Variants in CNBP observed in about 807,000 individuals in gnomAD.
CNBP encodes CCHC-type zinc finger nucleic acid binding protein, also known as cellular nucleic acid-binding protein.
Under a neutral mutation model 21.2 loss-of-function variants are expected in CNBP, and 6 were observed. That is an observed-to-expected ratio of 0.28 (90% CI 0.16 to 0.56). CNBP has a LOEUF of 0.56. CNBP is among the 20% of genes least tolerant of loss of function. CNBP has a pLI of 0.93. For synonymous variants in CNBP, 61 were observed against 74.9 expected, an observed-to-expected ratio of 0.81 and a Z score of 0.96; for missense variants, 112 against 233.1, an observed-to-expected ratio of 0.48 and a Z score of 3.38.
At chr3:129,181,820 A>G (rs1469966844) in intron 1 of CNBP, among the ~76,000 whole-genome samples, 1 of 152,102 alleles carries the variant, frequency 6.6e-6, no homozygotes, top group Non-Finnish European at 1.5e-5. Flanking sequence ...AAACTTATCA[A>G]GAGATGAAAT....
chr3:129,174,132 A>C (rs1293063397), intron 1 of CNBP, among the ~76,000 whole-genome samples: 1 of 152,128 alleles, frequency 6.6e-6, no homozygotes, highest in African/African-American at 2.4e-5. Context: ...GCCTATGAAC[A>C]TATTACCAAA....
intron 1 of CNBP, among the ~76,000 whole-genome samples, chr3:129,174,993 T>C (rs1937802385): frequency 6.6e-6 from 1 of 152,104 alleles, no homozygotes; most frequent in African/African-American, 2.4e-5. Context: ...GGTCAGGAGT[T>C]GGACATCAGC....
rs757584446 is a variant in CNBP at position 129,183,884 on chromosome 3, C to G, written c.-123G>C. ...TTTGAGGGTCCTTGCCTGCGCCACA[C>G]GCGGGTCTGCACACGGCCCCACATA... On this transcript the variant is annotated 5_prime_UTR_variant, in exon 1 of 5. Transcript: ENST00000422453. The G allele has an allele frequency of 1.6e-4, 25 of 152,856 alleles. No homozygotes were observed. Among genetic ancestry groups the G allele is most frequent in the Non-Finnish European group, 3.1e-4 (21 of 68,192 alleles). The allele number at this position is 152,856 out of a possible 1,614,324, so 9.5% of individuals were successfully genotyped here.
At chr3:129,172,608 A>C (rs9985434) in intron 1 of CNBP, among the ~76,000 whole-genome samples, 2 of 31,806 alleles carry the variant, frequency 6.3e-5, no homozygotes, top group African/African-American at 1.4e-4. Flanking sequence ...AGGCAGGCAG[A>C]CAGGCAGACA....
Position 129,168,931 on chromosome 3 carries a change from C to T in CNBP, c.*1522G>A, listed in dbSNP as rs1193261245. 1.2e-5 allele frequency among the ~76,000 whole-genome samples: 1 copy of T among 81,132 alleles called. No individual in the cohort carries two copies. Among genetic ancestry groups the T allele is most frequent in the Middle Eastern group, 5.8e-3 (1 of 172 alleles). 53.2% of individuals were successfully genotyped at this position (81,132 alleles called of 152,430 possible). On this transcript the variant is annotated 3_prime_UTR_variant, in exon 5 of 5. Transcript: ENST00000422453. The stretch of plus-strand genomic sequence containing the variant: ...CTAACACCGTGAAACCCCGTCTTTA[C>T]TAAAAATACAAAAAAAAAAAATTAG...
chr3:129,173,205 T>C (rs1452767696), intron 1 of CNBP, among the ~76,000 whole-genome samples: 1 of 152,218 alleles, frequency 6.6e-6, no homozygotes, highest in African/African-American at 2.4e-5. Context: ...CAACTACTTA[T>C]TCAGCATTTA....
intron 1 of CNBP, among the ~76,000 whole-genome samples, chr3:129,179,091 A>G (rs951411043): frequency 2.0e-5 from 3 of 152,052 alleles, no homozygotes; most frequent in Non-Finnish European, 4.4e-5. Flanking sequence ...CAGCCTGACC[A>G]ACATGGAGAA....
intron 1 of CNBP, among the ~76,000 whole-genome samples, chr3:129,178,668 C>T (rs1378090609): frequency 6.6e-6 from 1 of 152,158 alleles, no homozygotes; most frequent in Non-Finnish European, 1.5e-5. Flanking sequence ...AGCTTTTGCC[C>T]TCTGAATGTA....
At chr3:129,175,513 T>A (rs959516317) in intron 1 of CNBP, among the ~76,000 whole-genome samples, 6 of 148,200 alleles carry the variant, frequency 4.0e-5, no homozygotes, top group Admixed American at 2.7e-4. Context: ...CACTGCAACC[T>A]TCACCTCCTG....
chr3:129,175,371 A>C (rs1937828400), intron 1 of CNBP, among the ~76,000 whole-genome samples: 1 of 151,966 alleles, frequency 6.6e-6, no homozygotes, highest in South Asian at 2.1e-4. Context: ...ACAGATATGC[A>C]TCTCAGTGGC....
chr3:129,175,430 T>G (rs1937833728), intron 1 of CNBP, among the ~76,000 whole-genome samples: 2 of 94,068 alleles, frequency 2.1e-5, no homozygotes, highest in African/African-American at 7.6e-5. Flanking sequence ...TTAGATGTTT[T>G]GCTTTTTTTT....
chr3:129,172,624 CCAGGCAGGCAGGCAGGCAGG>C (rs869112917), intron 1 of CNBP, among the ~76,000 whole-genome samples: 87 of 56,218 alleles, frequency 1.5e-3, no homozygotes, highest in Non-Finnish European at 2.8e-3. Flanking sequence ...AGACAGGCAG[CCAGGCAGGCAGGCAGGCAGG>C]CAGGCAGGCA....
chr3:129,175,714 C>T (rs1937858400), intron 1 of CNBP, among the ~76,000 whole-genome samples: 1 of 152,230 alleles, frequency 6.6e-6, no homozygotes, highest in South Asian at 2.1e-4. Flanking sequence ...AGGCGTGAGC[C>T]ACTGCGCCCA....
Position 129,172,665 on chromosome 3 carries a change from CAGACAGACAGACAGACAGACAG to C in CNBP, c.-14-916_-14-895del, listed in dbSNP as rs1408312844. On this transcript the variant is annotated intron_variant, in intron 1 of 4. Coordinates refer to ENST00000422453, the MANE Select transcript of CNBP (RefSeq NM_003418.5). ...GCAGGCAGGCAGGCAGGCAGACAGA[CAGACAGACAGACAGACAGACAG>C]ACAGACAGACACACACACACACACA... Among the ~76,000 whole-genome samples, 287 of 93,460 alleles carry C rather than the reference CAGACAGACAGACAGACAGACAG, an allele frequency of 3.1e-3. 1 individual carries two copies. Among genetic ancestry groups the C allele is most frequent in the African/African-American group, 0.01 (249 of 24,318 alleles). 61.3% of individuals were successfully genotyped at this position (93,460 alleles called of 152,430 possible). A position where few individuals can be genotyped will look rare whatever the true frequency, so the allele number is the denominator to read the frequency against.
chr3:129,177,995 C>T (rs898942454), intron 1 of CNBP, among the ~76,000 whole-genome samples: 1 of 151,894 alleles, frequency 6.6e-6, no homozygotes, highest in Non-Finnish European at 1.5e-5. Context: ...CCTGTCTCTA[C>T]TAAAAATACA....
chr3:129,168,753 G>A lies in CNBP; in HGVS notation c.*1700C>T. On this transcript the variant is annotated 3_prime_UTR_variant, in exon 5 of 5. Transcript: ENST00000422453. ...GGGCAGGTGGATCACCTGAGGTCAG[G>A]AGTTGGAGACCAGCCCGACCAACAT... Among the ~76,000 whole-genome samples, 1 of 150,722 alleles carries A rather than the reference G, an allele frequency of 6.6e-6. No individual in the cohort carries two copies. The highest frequency in any genetic ancestry group is 1.5e-5 in the Non-Finnish European group (1 of 67,638).
intron 1 of CNBP, among the ~76,000 whole-genome samples, chr3:129,182,918 C>G (rs980044950): frequency 6.7e-6 from 1 of 149,562 alleles, no homozygotes; most frequent in Admixed American, 6.8e-5. Flanking sequence ...AACACAAAGG[C>G]TTCTTCAGGA....
chr3:129,174,368 A>AAAAC (rs1553787766), intron 1 of CNBP, among the ~76,000 whole-genome samples: 2 of 149,688 alleles, frequency 1.3e-5, no homozygotes, highest in African/African-American at 4.9e-5. Flanking sequence ...AAAAAAAAAA[A>AAAAC]AAAAAACGAA....
chr3:129,173,122 C>G (rs1470219608), intron 1 of CNBP, among the ~76,000 whole-genome samples: 1 of 152,208 alleles, frequency 6.6e-6, no homozygotes, highest in Non-Finnish European at 1.5e-5. Context: ...TAAAAATATT[C>G]AGTGGAAAAG....
Sources: allele counts gnomAD v4.1 joint callset (sites outside exome capture counted in the v4.1 genomes callset), GRCh38; gene constraint gnomAD v4.1.1; transcripts MANE v1.5; gene names NCBI Gene and HGNC (gene_info 2026-07-23, HGNC 2026-07-21).